The following KIF9 variants were observed in gnomAD, a reference collection of about 807,000 sequenced individuals.
The protein encoded by KIF9 is kinesin family member 9, also known as kinesin-like protein KIF9.
KIF9 carries 68 observed loss-of-function variants against 94.8 expected under a neutral mutation model. The ratio of observed to expected loss-of-function variants is 0.72; its 90% CI spans 0.59 to 0.88. The LOEUF (loss-of-function observed/expected upper bound fraction) is 0.88. Among genes scored for constraint, KIF9 ranks in the 40% least tolerant of loss-of-function variants. The pLI is 0.00. For missense variants in KIF9, 882 were observed against 982.5 expected, an observed-to-expected ratio of 0.90 and a Z score of 1.37; for synonymous variants, 343 against 362.1, an observed-to-expected ratio of 0.95 and a Z score of 0.60.
intron 13 of KIF9, 161 bp downstream of exon 13, chr3:47,246,036 T>C: frequency 3.3e-6 from 2 of 597,850 alleles, no homozygotes; most frequent in Non-Finnish European, 6.0e-6. Context: ...ATTAATGAAC[T>C]CACTGAATAT....
At chr3:47,237,380 C>A (rs1249570995) in intron 17 of KIF9, among the ~76,000 whole-genome samples, 3 of 152,218 alleles carry the variant, frequency 2.0e-5, no homozygotes, top group Non-Finnish European at 4.4e-5. Context: ...AGGCGTGAGC[C>A]ACCATGCGCA....
At chr3:47,239,365 A>G (rs1049094561) in intron 17 of KIF9, among the ~76,000 whole-genome samples, 5 of 152,208 alleles carry the variant, frequency 3.3e-5, no homozygotes, top group Non-Finnish European at 7.3e-5. Context: ...CAGAGAGGAC[A>G]AAGAAGTGCT....
chr3:47,256,618 G>A (rs564219184), intron 10 of KIF9, among the ~76,000 whole-genome samples: 1 of 152,172 alleles, frequency 6.6e-6, no homozygotes, highest in South Asian at 2.1e-4. Flanking sequence ...CCCTCTGCCC[G>A]GCCACCACCC....
At position 47,247,082 on chromosome 3, in the gene KIF9, C is replaced by T. The variant is rs756298880; in HGVS notation, c.1233+291G>A. ...GTTAATCCCCACTCTGTTTCCCTCC[C>T]CACTAGGCAGGTGAGGCCACTGAAG... On this transcript the variant is annotated intron_variant, in intron 12 of 20. Transcript: ENST00000684063. Among the ~76,000 whole-genome samples, 2 of 152,202 alleles carry T rather than the reference C, an allele frequency of 1.3e-5. No homozygotes were observed. Among genetic ancestry groups the T allele is most frequent in the Non-Finnish European group, 2.9e-5 (2 of 68,026 alleles).
chr3:47,252,075 C>T (rs1700306621), intron 10 of KIF9, among the ~76,000 whole-genome samples: 1 of 152,138 alleles, frequency 6.6e-6, no homozygotes, highest in Non-Finnish European at 1.5e-5. Flanking sequence ...TGAAAACAGG[C>T]ATCAATACCG....
At chr3:47,250,291 T>G (rs1465396684) in intron 10 of KIF9, among the ~76,000 whole-genome samples, 1 of 152,210 alleles carries the variant, frequency 6.6e-6, no homozygotes, top group Non-Finnish European at 1.5e-5. Flanking sequence ...CTAATTTTAA[T>G]TAAATAGCCA....
In KIF9 at chr3:47,248,086, T is replaced by C; in HGVS notation, c.1060A>G (p.Arg354Gly). 6.2e-7 allele frequency: 1 copy of C among 1,612,962 alleles called. No homozygotes were observed. The highest frequency in any genetic ancestry group is 8.5e-7 in the Non-Finnish European group (1 of 1,179,202). ...PAINEKYDAERMVKNLEKELA... is the reference protein window; with the variant it reads ...PAINEKYDAEGMVKNLEKELA... ...TCCTTCTCCAGGTTCTTGACCATTC[T>C]CTGCCGGGAAACATGGTAGGGTGGG... Residue 354 changes from arginine (R) to glycine (G), a missense_variant and splice_region_variant, in exon 11 of 21, where the codon AGA becomes GGA. Arg to Gly is a moderately radical substitution (Grantham distance 125). Coordinates refer to ENST00000684063, the MANE Select transcript of KIF9 (RefSeq NM_182902.4).
chr3:47,240,124 G>A (rs1289953966), intron 17 of KIF9: 11 of 359,722 alleles, frequency 3.1e-5, no homozygotes, highest in Non-Finnish European at 5.7e-5. Context: ...AAGCTTGGTG[G>A]GCCTTGGCCC....
Position 47,228,703 on chromosome 3 carries a change from C to G in KIF9, c.2323-1G>C, listed in dbSNP as rs866329547. On this transcript the variant is annotated splice_acceptor_variant, in intron 20 of 20. Coordinates refer to ENST00000684063, the MANE Select transcript of KIF9 (RefSeq NM_182902.4). LOFTEE classifies it high-confidence loss of function. Reference sequence around the variant, plus strand: ...CCATCATGGTTTTCAAGTAATTATGCTGGACACAGAGGGAAGAGAAAACAG... The same window carrying G: ...CCATCATGGTTTTCAAGTAATTATGGTGGACACAGAGGGAAGAGAAAACAG... The G allele has an allele frequency of 6.2e-7, 1 of 1,613,440 alleles. No homozygotes were observed. The highest frequency in any genetic ancestry group is 8.5e-7 in the Non-Finnish European group (1 of 1,179,436).
chr3:47,250,511 C>CTT, intron 10 of KIF9: 1 of 429,892 alleles, frequency 2.3e-6, no homozygotes, highest in Non-Finnish European at 4.8e-6. Context: ...ATAAATGATA[C>CTT]TTTTTTTTTC....
At chr3:47,254,848 A>G (rs771143663) in intron 10 of KIF9, among the ~76,000 whole-genome samples, 5 of 152,076 alleles carry the variant, frequency 3.3e-5, no homozygotes, top group South Asian at 2.1e-4. Flanking sequence ...AAAGAAAGAA[A>G]AAAAAGGGCA....
chr3:47,239,145 A>G lies in KIF9; in HGVS notation c.1924+1656T>C, dbSNP rs376699160. Among the ~76,000 whole-genome samples the G allele has an allele frequency of 2.6e-4, 40 of 152,290 alleles. 1 individual carries two copies. Among genetic ancestry groups the G allele is most frequent in the Admixed American group, 4.6e-4 (7 of 15,296 alleles). ...AACCCAGGAGGCGGAGATTGCAGTG[A>G]GCCGGGATCATGCCATTGCACTCCA... On this transcript the variant is annotated intron_variant, in intron 17 of 20. Coordinates refer to ENST00000684063, the MANE Select transcript of KIF9 (RefSeq NM_182902.4).
chr3:47,265,970 T>C, intron 7 of KIF9, 93 bp from the exon 8 acceptor site: 1 of 1,432,572 alleles, frequency 7.0e-7, no homozygotes, highest in Non-Finnish European at 9.7e-7. Context: ...ATGCTATAAG[T>C]CTGTGGTCAG....
At chr3:47,281,424 C>G (rs1357705265) in intron 1 of KIF9, among the ~76,000 whole-genome samples, 1 of 152,068 alleles carries the variant, frequency 6.6e-6, no homozygotes, top group East Asian at 1.9e-4. Context: ...CTCGGTTCAC[C>G]GTAGCCTCCA....
Position 47,243,270 on chromosome 3 carries a change from G to T in KIF9, c.1515-25C>A, listed in dbSNP as rs376515118. 3.8e-6 allele frequency: 6 copies of T among 1,594,952 alleles called. No homozygotes were observed. The African/African-American group carries it at 8.0e-5, about 21-fold the overall frequency. ...GCTGGAAGAAGGCACGGAAGCCCCA[G>T]GGTTCAGTCATGGACAGTGAGTTAT... is the stretch of plus-strand genomic sequence containing the variant. On this transcript the variant is annotated intron_variant, in intron 15 of 20. Coordinates refer to ENST00000684063, the MANE Select transcript of KIF9 (RefSeq NM_182902.4).
At chr3:47,264,824 G>A (rs1701193973) in intron 8 of KIF9, among the ~76,000 whole-genome samples, 1 of 152,244 alleles carries the variant, frequency 6.6e-6, no homozygotes, top group Non-Finnish European at 1.5e-5. Context: ...ACTTGGGGAG[G>A]GGGAGGTAAT....
At chr3:47,262,670 C>G (rs971009075) in intron 9 of KIF9, among the ~76,000 whole-genome samples, 2 of 152,172 alleles carry the variant, frequency 1.3e-5, no homozygotes, top group Non-Finnish European at 2.9e-5. Flanking sequence ...CCCCTGCCTC[C>G]CAAGTCCCAG....
intron 20 of KIF9, 97 bp from the exon 21 acceptor site, chr3:47,228,799 C>T (rs1240014020): frequency 2.2e-6 from 2 of 914,266 alleles, no homozygotes; most frequent in Non-Finnish European, 3.6e-6. Flanking sequence ...ATCATTCCTC[C>T]TGCAAACATC....
intron 10 of KIF9, among the ~76,000 whole-genome samples, chr3:47,251,889 G>A (rs918789910): frequency 6.6e-6 from 1 of 152,150 alleles, no homozygotes; most frequent in Non-Finnish European, 1.5e-5. Flanking sequence ...GAGTGGGAGG[G>A]TCACTGCAGG....
Sources: allele counts gnomAD v4.1 joint callset (sites outside exome capture counted in the v4.1 genomes callset), GRCh38; gene constraint gnomAD v4.1.1; transcripts MANE v1.5; gene names NCBI Gene and HGNC (gene_info 2026-07-23, HGNC 2026-07-21).